RABGAP1L: variants seen among roughly 807,000 people sequenced by gnomAD.
RABGAP1L encodes RAB GTPase activating protein 1 like.
RABGAP1L carries 63 observed loss-of-function variants against 137.7 expected under a neutral mutation model. The ratio of observed to expected loss-of-function variants is 0.46; its 90% CI spans 0.37 to 0.56. The LOEUF (loss-of-function observed/expected upper bound fraction) is 0.56, where lower values mean the gene tolerates loss of function less well. Among genes scored for constraint, RABGAP1L ranks in the 20% least tolerant of loss-of-function variants. The pLI is 0.00. For synonymous variants in RABGAP1L, 431 were observed against 433.7 expected (o/e 0.99, Z 0.08); for missense variants, 1,095 against 1,244.0 (o/e 0.88, Z 1.80).
intron 19 of RABGAP1L, chr1:174,877,420 A>C: frequency 1.9e-6 from 3 of 1,591,498 alleles, no homozygotes; most frequent in Non-Finnish European, 2.6e-6. Flanking sequence ...ACTGAGCTGC[A>C]GTAGGATTTT....
intron 3 of RABGAP1L, 33 bp from the exon 4 acceptor site, chr1:174,231,112 G>A: frequency 6.7e-7 from 1 of 1,503,530 alleles, no homozygotes; most frequent in Non-Finnish European, 9.2e-7. Flanking sequence ...GTTTTGCAAT[G>A]ACTTTTGAGT....
intron 1 of RABGAP1L, among the ~76,000 whole-genome samples, chr1:174,167,305 A>G (rs1055507241): frequency 9.2e-5 from 14 of 152,344 alleles, no homozygotes; most frequent in African/African-American, 3.4e-4. Context: ...TGTGTGTGGT[A>G]AAAAGTATAA....
At chr1:174,934,593 C>A (rs977000684) in intron 19 of RABGAP1L, among the ~76,000 whole-genome samples, 1 of 151,846 alleles carries the variant, frequency 6.6e-6, no homozygotes, top group African/African-American at 2.4e-5. Flanking sequence ...GAGTTTGAGA[C>A]CAGTTGGGCA....
chr1:174,271,052 A>G (rs1674518941), intron 7 of RABGAP1L, among the ~76,000 whole-genome samples: 1 of 152,178 alleles, frequency 6.6e-6, no homozygotes. Flanking sequence ...GACAGTGTTT[A>G]TTACAAGAAT....
chr1:174,905,009 C>T (rs556854206), intron 19 of RABGAP1L, among the ~76,000 whole-genome samples: 3 of 152,250 alleles, frequency 2.0e-5, no homozygotes, highest in African/African-American at 7.2e-5. Context: ...CTGGGATAAT[C>T]TCTTTGGGAA....
At chr1:174,437,428 G>A (rs1299081178) in intron 13 of RABGAP1L, among the ~76,000 whole-genome samples, 2 of 152,170 alleles carry the variant, frequency 1.3e-5, no homozygotes, top group East Asian at 3.8e-4. Context: ...GAATGCACGA[G>A]CCTCAGTAAC....
chr1:174,532,458 C>T (rs887988099), intron 13 of RABGAP1L, among the ~76,000 whole-genome samples: 9 of 152,206 alleles, frequency 5.9e-5, no homozygotes, highest in Middle Eastern at 6.8e-3. Flanking sequence ...CCACCCGCCT[C>T]GGCCTTCCAA....
chr1:174,517,477 A>G (rs1490126399), intron 13 of RABGAP1L, among the ~76,000 whole-genome samples: 2 of 152,130 alleles, frequency 1.3e-5, no homozygotes, highest in African/African-American at 2.4e-5. Context: ...AAATTATATC[A>G]CTGCAGTTCT....
chr1:174,285,331 T>C (rs1275686420), intron 10 of RABGAP1L, among the ~76,000 whole-genome samples: 1 of 152,212 alleles, frequency 6.6e-6, no homozygotes, highest in African/African-American at 2.4e-5. Flanking sequence ...TCTTACAGTT[T>C]TTAGTGTATG....
At chr1:174,471,740 G>C (rs535779422) in intron 13 of RABGAP1L, among the ~76,000 whole-genome samples, 1 of 152,232 alleles carries the variant, frequency 6.6e-6, no homozygotes, top group East Asian at 1.9e-4. Flanking sequence ...TGGCTGCAGC[G>C]TGCAGAATTT....
chr1:174,439,866 A>G (rs986117786), intron 13 of RABGAP1L, among the ~76,000 whole-genome samples: 18 of 152,242 alleles, frequency 1.2e-4, no homozygotes, highest in Admixed American at 1.2e-3. Context: ...AAGAAAGCAG[A>G]TGTTGCTCTC....
intron 18 of RABGAP1L, among the ~76,000 whole-genome samples, chr1:174,808,072 C>G (rs1048034060): frequency 6.6e-6 from 1 of 151,718 alleles, no homozygotes; most frequent in African/African-American, 2.4e-5. Flanking sequence ...CAAGCTCCGC[C>G]TCCTGGGTTC....
chr1:174,619,871 C>A (rs1672273208), intron 13 of RABGAP1L, among the ~76,000 whole-genome samples: 2 of 152,170 alleles, frequency 1.3e-5, no homozygotes. Context: ...CAGGACCCAT[C>A]AGTGTGCTGT....
At chr1:174,876,686 A>G (rs1653160772) in intron 19 of RABGAP1L, among the ~76,000 whole-genome samples, 1 of 152,212 alleles carries the variant, frequency 6.6e-6, no homozygotes, top group South Asian at 2.1e-4. Context: ...AAAGATGAAG[A>G]GAACTTTTAT....
At position 174,491,653 on chromosome 1, in the gene RABGAP1L, C is replaced by T. The variant is rs1660249330; in HGVS notation, c.1710+97508C>T. 2.0e-5 allele frequency among the ~76,000 whole-genome samples: 3 copies of T among 152,118 alleles called. No homozygotes were observed. The South Asian group carries it at 6.2e-4, about 31-fold the overall frequency. On this transcript the variant is annotated intron_variant, in intron 13 of 25. Coordinates refer to ENST00000681986, the MANE Select transcript of RABGAP1L (RefSeq NM_001366446.1). ...GACACCAGCCCAGCACAAGGACTCA[C>T]CTACGACTTAGAGTCCTTATGGCCT...
intron 1 of RABGAP1L, among the ~76,000 whole-genome samples, chr1:174,169,878 C>T (rs942872586): frequency 3.7e-4 from 56 of 151,978 alleles, no homozygotes; most frequent in Admixed American, 1.7e-3. Flanking sequence ...AAATGGGAGT[C>T]TCCCTATGTT....
intron 18 of RABGAP1L, among the ~76,000 whole-genome samples, chr1:174,810,754 GTCTT>G (rs1484329588): frequency 6.6e-6 from 1 of 151,856 alleles, no homozygotes; most frequent in African/African-American, 2.4e-5. Flanking sequence ...AATATTTATT[GTCTT>G]TCTTATTATA....
Position 174,720,584 on chromosome 1 carries a change from A to G in RABGAP1L, c.2169+18328A>G, listed in dbSNP as rs191404168. ...GCCCACCTCAGCCTCCCAGAGTACT[A>G]GGATTACAGGCTTGAGCCACCGGTC... On this transcript the variant is annotated intron_variant, in intron 17 of 25. Transcript: ENST00000681986. Among the ~76,000 whole-genome samples the G allele has an allele frequency of 1.3e-3, 192 of 152,184 alleles. 1 individual carries two copies. The highest frequency in any genetic ancestry group is 4.4e-3 in the African/African-American group (184 of 41,524).
intron 19 of RABGAP1L, among the ~76,000 whole-genome samples, chr1:174,847,395 C>T (rs892089313): frequency 4.6e-5 from 7 of 151,364 alleles, no homozygotes; most frequent in African/African-American, 1.5e-4. Context: ...TTAGTGCTTC[C>T]TTCAGGAGCT....
Sources: gnomAD v4.1 joint callset for allele counts (sites outside exome capture counted in the v4.1 genomes callset) on GRCh38, gnomAD v4.1.1 for gene constraint, MANE v1.5 for transcripts, NCBI Gene and HGNC (gene_info 2026-07-23, HGNC 2026-07-21) for gene names.